The following ADGRL3 variants were observed in gnomAD, a reference collection of about 807,000 sequenced individuals.
ADGRL3 encodes the protein calcium-independent alpha-latrotoxin receptor 3.
ADGRL3 carries 62 observed loss-of-function variants against 153.5 expected under a neutral mutation model. The ratio of observed to expected loss-of-function variants is 0.40; its 90% CI spans 0.33 to 0.50. The LOEUF is 0.50. Among genes scored for constraint, ADGRL3 ranks in the 20% least tolerant of loss-of-function variants. The pLI, the probability that ADGRL3 is intolerant of heterozygous loss-of-function variation, is 0.47. For missense variants in ADGRL3, 1,641 were observed against 1,859.4 expected, an observed-to-expected ratio of 0.88 and a Z score of 2.16; for synonymous variants, 710 against 672.5, an observed-to-expected ratio of 1.06 and a Z score of -0.86.
intron 2 of ADGRL3, among the ~76,000 whole-genome samples, chr4:61,490,510 G>A (rs1291228851): frequency 6.6e-6 from 1 of 151,968 alleles, no homozygotes; most frequent in African/African-American, 2.4e-5. Flanking sequence ...TGAATTAAAT[G>A]TTTCTTGAAA....
chr4:61,983,452 G>C lies in ADGRL3; in HGVS notation c.3085G>C (p.Glu1029Gln). 6.2e-7 allele frequency: 1 copy of C among 1,613,906 alleles called. No individual in the cohort carries two copies. Among genetic ancestry groups the C allele is most frequent in the Non-Finnish European group, 8.5e-7 (1 of 1,179,878 alleles). Residue 1029 changes from glutamate (E) to glutamine (Q), a missense_variant, in exon 19 of 27, where the codon GAG (glutamate) becomes CAG (glutamine). Glu to Gln is a conservative substitution (Grantham distance 29). Around this residue, in one of 5 missense-constraint regions of ADGRL3, gnomAD observed 734 missense variants for 797.0 expected, o/e 0.92. Coordinates refer to ENST00000683033, the MANE Select transcript of ADGRL3 (RefSeq NM_001387552.1). ...GGCTGCCTTCACCTGGATGTTCCTG[G>C]AGGGGGTGCAGCTTTATATCATGCT... ...FLAAFTWMFL[E>Q]GVQLYIMLVE...
At chr4:61,379,408 A>C (rs563329954) in intron 1 of ADGRL3, among the ~76,000 whole-genome samples, 1 of 152,172 alleles carries the variant, frequency 6.6e-6, no homozygotes, top group South Asian at 2.1e-4. Flanking sequence ...AATACCTAAT[A>C]TGTAACTGTC....
chr4:61,340,860 A>C (rs889284829), intron 1 of ADGRL3, among the ~76,000 whole-genome samples: 1 of 151,504 alleles, frequency 6.6e-6, no homozygotes, highest in African/African-American at 2.4e-5. Context: ...TATTATACAG[A>C]TAGAACCATA....
chr4:62,016,729 G>A (rs1373288423), intron 21 of ADGRL3, among the ~76,000 whole-genome samples: 3 of 151,852 alleles, frequency 2.0e-5, no homozygotes, highest in Non-Finnish European at 2.9e-5. Flanking sequence ...CTTTCAATAT[G>A]TTTGTCTTTT....
chr4:61,271,825 T>G (rs936966480), intron 1 of ADGRL3, among the ~76,000 whole-genome samples: 2 of 151,854 alleles, frequency 1.3e-5, no homozygotes, highest in African/African-American at 4.8e-5. Flanking sequence ...AGTAAAAGGG[T>G]TTCCCTTTCA....
intron 1 of ADGRL3, among the ~76,000 whole-genome samples, chr4:61,259,123 A>G (rs1398527225): frequency 6.6e-6 from 1 of 152,124 alleles, no homozygotes; most frequent in Admixed American, 6.5e-5. Context: ...ACCATATCTA[A>G]CATTTAAGAA....
intron 21 of ADGRL3, among the ~76,000 whole-genome samples, chr4:62,012,450 C>T (rs1476309362): frequency 6.6e-6 from 1 of 152,152 alleles, no homozygotes; most frequent in Non-Finnish European, 1.5e-5. Context: ...TTAATCTTTG[C>T]AATAATCCTT....
chr4:61,775,222 C>CT (rs200429980), intron 8 of ADGRL3, among the ~76,000 whole-genome samples: 1,542 of 139,166 alleles, frequency 0.011, 16 homozygotes, highest in African/African-American at 0.031. Flanking sequence ...CCTATGACAG[C>CT]TTTTTTTTTT....
chr4:61,366,893 G>A (rs1448440418), intron 1 of ADGRL3, among the ~76,000 whole-genome samples: 1 of 152,152 alleles, frequency 6.6e-6, no homozygotes, highest in African/African-American at 2.4e-5. Context: ...GACTGTGAAT[G>A]TCCTGGTAGT....
intron 21 of ADGRL3, among the ~76,000 whole-genome samples, chr4:62,012,281 C>T (rs537930861): frequency 6.6e-6 from 1 of 152,274 alleles, no homozygotes; most frequent in Middle Eastern, 3.4e-3. Context: ...GTTCTGCCCT[C>T]ATATCAACTG....
chr4:61,454,989 G>A (rs904583975), intron 2 of ADGRL3, among the ~76,000 whole-genome samples: 2 of 151,964 alleles, frequency 1.3e-5, no homozygotes, highest in Non-Finnish European at 2.9e-5. Flanking sequence ...TTCATTATGT[G>A]GCCAGTAGTA....
At chr4:62,018,114 G>T (rs1031101141) in intron 21 of ADGRL3, among the ~76,000 whole-genome samples, 1 of 152,080 alleles carries the variant, frequency 6.6e-6, no homozygotes, top group Admixed American at 6.5e-5. Context: ...TGTACTGCAC[G>T]GAGGTCATAA....
intron 2 of ADGRL3, among the ~76,000 whole-genome samples, chr4:61,487,506 A>G (rs1391548887): frequency 6.6e-6 from 1 of 152,100 alleles, no homozygotes; most frequent in Non-Finnish European, 1.5e-5. Context: ...TAGATTTTGG[A>G]ATAAATTCAT....
At chr4:61,821,180 G>A (rs1580995988) in intron 9 of ADGRL3, among the ~76,000 whole-genome samples, 1 of 109,518 alleles carries the variant, frequency 9.1e-6, no homozygotes. Context: ...ACAAATTCCT[G>A]CCAATTACCA....
chr4:61,666,373 T>C (rs1440874439), intron 5 of ADGRL3, among the ~76,000 whole-genome samples: 1 of 152,132 alleles, frequency 6.6e-6, no homozygotes, highest in Non-Finnish European at 1.5e-5. Context: ...CATAAGTCAT[T>C]TGACTTGGAA....
chr4:61,359,835 C>T (rs568249316), intron 1 of ADGRL3, among the ~76,000 whole-genome samples: 16 of 152,224 alleles, frequency 1.1e-4, no homozygotes, highest in African/African-American at 3.6e-4. Context: ...CAGCTCAATA[C>T]ATTTGTTGAA....
chr4:61,371,370 G>A (rs1388516000), intron 1 of ADGRL3, among the ~76,000 whole-genome samples: 12 of 151,910 alleles, frequency 7.9e-5, no homozygotes, highest in East Asian at 7.8e-4. Flanking sequence ...GGCTGGTACC[G>A]GTTGTTCCTT....
intron 13 of ADGRL3, among the ~76,000 whole-genome samples, chr4:61,930,804 T>C (rs1456232794): frequency 2.6e-5 from 4 of 152,060 alleles, no homozygotes; most frequent in Non-Finnish European, 4.4e-5. Context: ...GTGAGTATAC[T>C]GTACAATGAA....
At chr4:61,766,146 G>A (rs1030501810) in intron 8 of ADGRL3, among the ~76,000 whole-genome samples, 6 of 152,084 alleles carry the variant, frequency 3.9e-5, no homozygotes, top group African/African-American at 9.7e-5. Context: ...TGGGGGTCAG[G>A]TGTGGTATCA....
Sources: allele counts gnomAD v4.1 joint callset (sites outside exome capture counted in the v4.1 genomes callset), GRCh38; gene constraint gnomAD v4.1.1; regional missense constraint gnomAD v4.1.1; transcripts MANE v1.5; gene names NCBI Gene and HGNC (gene_info 2026-07-23, HGNC 2026-07-21).